The following LURAP1L variants were observed in gnomAD, a reference collection of about 807,000 sequenced individuals.
LURAP1L encodes leucine rich adaptor protein 1-like.
Under a neutral mutation model 13.8 loss-of-function variants are expected in LURAP1L, and 12 were observed. That is an observed-to-expected ratio of 0.87 (90% CI 0.56 to 1.41). The LOEUF is 1.41. Among genes scored for constraint, LURAP1L ranks in the 40% most tolerant of loss-of-function variants. The pLI is 0.00. For synonymous variants in LURAP1L, 139 were observed against 119.2 expected (o/e 1.17, Z -1.08); for missense variants, 375 against 292.9 (o/e 1.28, Z -2.04).
chr9:12,792,971 GAAT>G (rs1284876273), intron 1 of LURAP1L, among the ~76,000 whole-genome samples: 1 of 151,968 alleles, frequency 6.6e-6, no homozygotes, highest in East Asian at 1.9e-4. Context: ...AAGAAACTTA[GAAT>G]AACTAAGAGA....
At chr9:12,776,217 C>T (rs1293796078) in intron 1 of LURAP1L, among the ~76,000 whole-genome samples, 190 bp downstream of exon 1, 2 of 152,080 alleles carry the variant, frequency 1.3e-5, no homozygotes, top group African/African-American at 4.8e-5. Context: ...GCTTGTTTAC[C>T]GCGGACTTTG....
intron 1 of LURAP1L, among the ~76,000 whole-genome samples, chr9:12,807,094 AATAT>A (rs71329889): frequency 0.028 from 3,284 of 116,124 alleles, 227 homozygotes; most frequent in African/African-American, 0.1. Context: ...TCTCTACTAA[AATAT>A]ATATATATAT....
chr9:12,805,259 T>C (rs921686368), intron 1 of LURAP1L, among the ~76,000 whole-genome samples: 2 of 152,140 alleles, frequency 1.3e-5, no homozygotes, highest in African/African-American at 4.8e-5. Context: ...TCTGGGACTA[T>C]TAAATTTGTA....
chr9:12,776,455 T>C (rs1360658917), intron 1 of LURAP1L, among the ~76,000 whole-genome samples: 1 of 152,040 alleles, frequency 6.6e-6, no homozygotes, highest in Admixed American at 6.5e-5. Context: ...ACTGCAAAAA[T>C]ACTTCCTGGT....
At chr9:12,801,731 A>T (rs1819588423) in intron 1 of LURAP1L, among the ~76,000 whole-genome samples, 2 of 152,228 alleles carry the variant, frequency 1.3e-5, no homozygotes, top group Admixed American at 6.5e-5. Flanking sequence ...CACAGACTTC[A>T]GGGAAATTTA....
intron 1 of LURAP1L, among the ~76,000 whole-genome samples, chr9:12,779,803 C>T (rs1274225998): frequency 6.6e-6 from 1 of 152,164 alleles, no homozygotes; most frequent in Non-Finnish European, 1.5e-5. Context: ...AATTTCAAAA[C>T]ATTAAACATG....
intron 1 of LURAP1L, among the ~76,000 whole-genome samples, chr9:12,807,020 CA>C (rs71329888): frequency 4.7e-3 from 102 of 21,868 alleles, no homozygotes; most frequent in African/African-American, 9.8e-3. Flanking sequence ...GACTCCGTCT[CA>C]AAAAAAAAAA....
At chr9:12,815,276 A>G (rs532816705) in intron 1 of LURAP1L, among the ~76,000 whole-genome samples, 1 of 152,328 alleles carries the variant, frequency 6.6e-6, no homozygotes, top group Non-Finnish European at 1.5e-5. Context: ...GAACAAGCAA[A>G]CAAACTGGAA....
rs1819892315 is a variant in LURAP1L, at chr9:12,822,315, T to C, written c.*555T>C. Among the ~76,000 whole-genome samples the C allele has an allele frequency of 6.6e-6, 1 of 152,196 alleles. No individual in the cohort carries two copies. The highest frequency in any genetic ancestry group is 1.5e-5 in the Non-Finnish European group (1 of 68,032). ...GTCACACACGCCCACATGACAATCA[T>C]CTGAAAGTCCCCAACTATACACATT... On this transcript the variant is annotated 3_prime_UTR_variant, in exon 2 of 2. Coordinates refer to ENST00000319264, the MANE Select transcript of LURAP1L (RefSeq NM_203403.2).
chr9:12,790,592 G>C (rs1380611620), intron 1 of LURAP1L: 1 of 151,940 alleles, frequency 6.6e-6, no homozygotes, highest in African/African-American at 2.4e-5. Flanking sequence ...AAAAAATAAA[G>C]AAAATAAAAG....
intron 1 of LURAP1L, among the ~76,000 whole-genome samples, chr9:12,776,734 T>A (rs1819190822): frequency 6.6e-6 from 1 of 152,074 alleles, no homozygotes. Context: ...TCTCCCACCC[T>A]TCTCCCTCAA....
chr9:12,817,468 T>C (rs1248669012), intron 1 of LURAP1L, among the ~76,000 whole-genome samples: 2 of 152,172 alleles, frequency 1.3e-5, no homozygotes, highest in Non-Finnish European at 2.9e-5. Context: ...ATTAGAAAGA[T>C]TATGATTTCA....
At chr9:12,776,401 A>T (rs1417262876) in intron 1 of LURAP1L, among the ~76,000 whole-genome samples, 1 of 152,112 alleles carries the variant, frequency 6.6e-6, no homozygotes, top group East Asian at 1.9e-4. Flanking sequence ...GTGCGCTGTT[A>T]ACACTTCGGG....
intron 1 of LURAP1L, among the ~76,000 whole-genome samples, chr9:12,786,408 TG>T (rs1819350890): frequency 1.3e-5 from 2 of 151,266 alleles, no homozygotes; most frequent in Non-Finnish European, 3.0e-5. Flanking sequence ...TTCTTCAATA[TG>T]AAAAAATTAA....
Position 12,775,514 on chromosome 9 carries a change from T to C in LURAP1L, c.-202T>C, listed in dbSNP as rs776189803. The C allele has an allele frequency of 1.5e-4, 99 of 679,620 alleles. No individual in the cohort carries two copies. Among genetic ancestry groups the C allele is most frequent in the Non-Finnish European group, 2.0e-4 (90 of 443,088 alleles). 42.1% of individuals were successfully genotyped at this position (679,620 alleles called of 1,614,324 possible). ...GGAGGAGTCGCAGCGGACTGGGAAC[T>C]GCAGCTGCGACCCCCCGCGTCCTGT... is the stretch of plus-strand genomic sequence containing the variant. On this transcript the variant is annotated 5_prime_UTR_variant, in exon 1 of 2. Transcript: ENST00000319264.
In LURAP1L at chr9:12,821,720, A is replaced by G; in HGVS notation, c.647A>G (p.Lys216Arg). The G allele has an allele frequency of 1.2e-6, 2 of 1,614,130 alleles. No individual in the cohort carries two copies. Among genetic ancestry groups the G allele is most frequent in the South Asian group, 1.1e-5 (1 of 91,078 alleles). ...ATAGAGGACTCACAGGCACTACACAAGCGTCCTAAATTGGATTCTGAATAC... is the reference window on the plus strand; with the variant it reads ...ATAGAGGACTCACAGGCACTACACAGGCGTCCTAAATTGGATTCTGAATAC... ...SLIEDSQALH[K>R]RPKLDSEYYC... The change falls in exon 2 of 2, where the codon AAG (lysine) becomes AGG (arginine). Residue 216 changes from lysine (K) to arginine (R), a missense_variant. Transcript: ENST00000319264.
Position 12,775,721 on chromosome 9 carries a change from A to G in LURAP1L, c.6A>G (p.Glu2=). 1 of 1,576,702 alleles carries G rather than the reference A, an allele frequency of 6.3e-7. No homozygotes were observed. Among genetic ancestry groups the G allele is most frequent in the Non-Finnish European group, 8.6e-7 (1 of 1,166,620 alleles). The change falls in exon 1 of 2, where the codon GAA becomes GAG. Residue 2 remains glutamate, a synonymous_variant. Transcript: ENST00000319264. ...ATCGCCGTTCCGGAAAAGTCATGGA[A>G]GACAGCCCGCTGCCAGACCTCAGAG... The part of the protein sequence containing the change: M[E]DSPLPDLRDI...
intron 1 of LURAP1L, among the ~76,000 whole-genome samples, chr9:12,781,188 C>T (rs1345462451): frequency 6.6e-6 from 1 of 152,146 alleles, no homozygotes; most frequent in Non-Finnish European, 1.5e-5. Context: ...TCAGGCTGGT[C>T]TGGAACTCCT....
intron 1 of LURAP1L, chr9:12,790,739 G>A (rs1327473635): frequency 6.6e-6 from 1 of 150,694 alleles, no homozygotes; most frequent in Non-Finnish European, 1.5e-5. Context: ...GAAATGAAAG[G>A]CAGTAGTTTT....
Sources: gnomAD v4.1 joint callset for allele counts (sites outside exome capture counted in the v4.1 genomes callset) on GRCh38, gnomAD v4.1.1 for gene constraint, MANE v1.5 for transcripts, NCBI Gene and HGNC (gene_info 2026-07-23, HGNC 2026-07-21) for gene names.